Variants in PTPRK observed in about 807,000 individuals in gnomAD.
PTPRK encodes protein tyrosine phosphatase receptor type K.
A neutral mutation model predicts 178.0 loss-of-function variants in PTPRK; 75 were observed. The observed-to-expected ratio is 0.42, with a 90% CI of 0.35 to 0.51. The LOEUF is 0.51. Among genes scored for constraint, PTPRK ranks in the 20% least tolerant of loss-of-function variants. The probability of loss-of-function intolerance (pLI) is 0.02; values close to 1 mark genes in which losing one functional copy is unlikely to be tolerated. For missense variants in PTPRK, 1,441 were observed against 1,797.8 expected (o/e 0.80, Z 3.59); for synonymous variants, 637 against 620.6 (o/e 1.03, Z -0.39).
chr6:128,036,491 A>G (rs1189342609), intron 13 of PTPRK, among the ~76,000 whole-genome samples: 1 of 152,228 alleles, frequency 6.6e-6, no homozygotes, highest in Admixed American at 6.5e-5. Context: ...AAAAAGGCAA[A>G]AAAAGGAACA....
At chr6:127,989,401 G>T in intron 21 of PTPRK, among the ~76,000 whole-genome samples, 1 of 151,626 alleles carries the variant, frequency 6.6e-6, no homozygotes, top group Non-Finnish European at 1.5e-5. Flanking sequence ...TTAATATTTT[G>T]CCTAATTTTT....
rs559831748 is a variant in PTPRK, at chr6:128,489,949, CA to C, written c.100+30309del. Among the ~76,000 whole-genome samples the C allele has an allele frequency of 5.9e-4, 90 of 152,320 alleles. 1 individual carries two copies. Among genetic ancestry groups the C allele is most frequent in the South Asian group, 5.4e-3 (26 of 4,828 alleles). ...CATTTTTACAACTGTATCATTTCTT[CA>C]GGTATGCTGAAGCTTAAGTGTCTAC... On this transcript the variant is annotated intron_variant, in intron 1 of 29. Coordinates refer to ENST00000368226, the MANE Select transcript of PTPRK (RefSeq NM_002844.4).
intron 7 of PTPRK, among the ~76,000 whole-genome samples, chr6:128,112,845 T>C (rs1790889593): frequency 6.6e-6 from 1 of 152,122 alleles, no homozygotes; most frequent in South Asian, 2.1e-4. Flanking sequence ...CCTGGTTAAC[T>C]GGGTAAATGC....
chr6:128,451,481 A>T (rs951340721), intron 1 of PTPRK, among the ~76,000 whole-genome samples: 3 of 152,082 alleles, frequency 2.0e-5, no homozygotes, highest in African/African-American at 7.2e-5. Context: ...CCAACCACAT[A>T]TTTGTGTGGG....
At chr6:128,163,685 A>C (rs962238848) in intron 7 of PTPRK, among the ~76,000 whole-genome samples, 12 of 151,530 alleles carry the variant, frequency 7.9e-5, no homozygotes, top group Non-Finnish European at 1.8e-4. Flanking sequence ...GAGAATTCCA[A>C]CAGAAACTAT....
intron 1 of PTPRK, among the ~76,000 whole-genome samples, chr6:128,456,993 T>C (rs1417302700): frequency 2.6e-5 from 4 of 152,134 alleles, no homozygotes; most frequent in African/African-American, 9.7e-5. Flanking sequence ...CAAATCCTAT[T>C]TGGTCCTGCA....
At chr6:127,970,750 T>C (rs975164505) in intron 29 of PTPRK, among the ~76,000 whole-genome samples, 3 of 152,098 alleles carry the variant, frequency 2.0e-5, no homozygotes, top group Admixed American at 2.0e-4. Context: ...TAACTATGTA[T>C]ATTTCAAAAT....
intron 13 of PTPRK, among the ~76,000 whole-genome samples, chr6:128,023,380 T>G (rs997173659): frequency 2.0e-5 from 3 of 152,170 alleles, no homozygotes; most frequent in African/African-American, 7.2e-5. Flanking sequence ...ATTTTCTTCA[T>G]CAAACCTCTC....
At chr6:128,390,953 G>C (rs145398286) in intron 2 of PTPRK, among the ~76,000 whole-genome samples, 2 of 151,976 alleles carry the variant, frequency 1.3e-5, no homozygotes, top group Admixed American at 6.5e-5. Flanking sequence ...CTACCCTTTG[G>C]AGCCATATGT....
chr6:128,112,561 A>C (rs934879808), intron 7 of PTPRK, among the ~76,000 whole-genome samples: 5 of 152,118 alleles, frequency 3.3e-5, no homozygotes, highest in African/African-American at 1.2e-4. Flanking sequence ...GTGACAGAGG[A>C]AACATAAATC....
chr6:128,367,953 A>G (rs1835750348), intron 2 of PTPRK, among the ~76,000 whole-genome samples: 1 of 152,230 alleles, frequency 6.6e-6, no homozygotes, highest in Non-Finnish European at 1.5e-5. Context: ...AATTAAATGA[A>G]GCAAATCCAG....
At chr6:128,392,832 A>G (rs1220965191) in intron 2 of PTPRK, among the ~76,000 whole-genome samples, 1 of 152,168 alleles carries the variant, frequency 6.6e-6, no homozygotes, top group Non-Finnish European at 1.5e-5. Flanking sequence ...TAGATAGGTA[A>G]TATTTATAAA....
At chr6:128,053,402 T>C (rs1452685695) in intron 13 of PTPRK, among the ~76,000 whole-genome samples, 1 of 152,002 alleles carries the variant, frequency 6.6e-6, no homozygotes, top group Non-Finnish European at 1.5e-5. Context: ...TGGGCCACCC[T>C]CTTGCGTGGA....
At chr6:128,344,963 G>A (rs930168521) in intron 2 of PTPRK, among the ~76,000 whole-genome samples, 4 of 151,580 alleles carry the variant, frequency 2.6e-5, no homozygotes, top group African/African-American at 7.3e-5. Flanking sequence ...AGTTACCTGG[G>A]GAACAGAAGA....
At chr6:128,348,152 A>C (rs1267501722) in intron 2 of PTPRK, among the ~76,000 whole-genome samples, 1 of 152,098 alleles carries the variant, frequency 6.6e-6, no homozygotes, top group East Asian at 1.9e-4. Flanking sequence ...GAAACATGAA[A>C]TGAGGCTACA....
rs1845414870 is a variant in PTPRK, at chr6:128,435,114, AAGGCAGGCAGGAAGGCAGGCAGGC to A, written c.101-37450_101-37427del. On this transcript the variant is annotated intron_variant, in intron 1 of 29. Transcript: ENST00000368226. Reference sequence around the variant, plus strand: ...GAAGGAAGGAAGGAAGGAAGGCAGGAAGGCAGGCAGGAAGGCAGGCAGGCAGGCAGGCAGGCAGGCAGGCAGGCA... The same window carrying A: ...GAAGGAAGGAAGGAAGGAAGGCAGGAAGGCAGGCAGGCAGGCAGGCAGGCA... Among the ~76,000 whole-genome samples, 11 of 79,730 alleles carry A rather than the reference AAGGCAGGCAGGAAGGCAGGCAGGC, an allele frequency of 1.4e-4. No homozygotes were observed. The East Asian group carries it at 2.7e-3, about 20-fold the overall frequency. The allele number at this position is 79,730 out of a possible 152,430, so 52.3% of individuals were successfully genotyped here.
chr6:128,180,952 C>T (rs1801822567), intron 7 of PTPRK, among the ~76,000 whole-genome samples: 2 of 152,026 alleles, frequency 1.3e-5, no homozygotes, highest in Admixed American at 1.3e-4. Flanking sequence ...GGAGTTGAGG[C>T]CCATCTGTCT....
intron 2 of PTPRK, among the ~76,000 whole-genome samples, chr6:128,341,007 CA>C (rs1339455517): frequency 1.3e-5 from 2 of 151,950 alleles, no homozygotes; most frequent in Non-Finnish European, 2.9e-5. Context: ...TAAACTTTTC[CA>C]AGTTAATATG....
At chr6:128,020,922 G>A (rs191223472) in intron 13 of PTPRK, among the ~76,000 whole-genome samples, 94 of 152,188 alleles carry the variant, frequency 6.2e-4, no homozygotes, top group Middle Eastern at 6.8e-3. Context: ...TTTAAATCAC[G>A]TTAATAGAGG....
Sources: allele counts gnomAD v4.1 joint callset (sites outside exome capture counted in the v4.1 genomes callset), GRCh38; gene constraint gnomAD v4.1.1; transcripts MANE v1.5; gene names NCBI Gene and HGNC (gene_info 2026-07-23, HGNC 2026-07-21).